ZNF536: variants seen among roughly 807,000 people sequenced by gnomAD.
The protein encoded by ZNF536 is zinc finger protein 536.
A neutral mutation model predicts 84.5 loss-of-function variants in ZNF536; 13 were observed. That is an observed-to-expected ratio of 0.15 (90% CI 0.10 to 0.24). The LOEUF (loss-of-function observed/expected upper bound fraction) is 0.24, where lower values mean the gene tolerates loss of function less well. ZNF536 is among the 10% of genes least tolerant of loss of function. ZNF536 has a pLI of 1.00. For synonymous variants in ZNF536, 811 were observed against 742.5 expected, an observed-to-expected ratio of 1.09 and a Z score of -1.50; for missense variants, 1,536 against 1,747.5, an observed-to-expected ratio of 0.88 and a Z score of 2.16.
At chr19:30,601,739 A>T (rs1485271737) in intron 1 of ZNF536, among the ~76,000 whole-genome samples, 1 of 152,140 alleles carries the variant, frequency 6.6e-6, no homozygotes. Context: ...TGCTGTCAAG[A>T]CAGTTTCCTG....
chr19:30,262,038 G>T (rs2025253664), intron 1 of ZNF536, among the ~76,000 whole-genome samples: 2 of 152,218 alleles, frequency 1.3e-5, no homozygotes, highest in Non-Finnish European at 2.9e-5. Flanking sequence ...ACCATGGGAG[G>T]TCTGCAGGTT....
chr19:30,587,458 AC>A (rs1332754991), intron 1 of ZNF536, among the ~76,000 whole-genome samples: 1 of 152,148 alleles, frequency 6.6e-6, no homozygotes, highest in Non-Finnish European at 1.5e-5. Flanking sequence ...GGTCTCCATC[AC>A]CCATGGTGAA....
At chr19:30,421,242 G>A (rs531711224) in intron 1 of ZNF536, among the ~76,000 whole-genome samples, 7 of 152,066 alleles carry the variant, frequency 4.6e-5, no homozygotes, top group Non-Finnish European at 7.4e-5. Flanking sequence ...AAACTCCATC[G>A]GTTCCCATTT....
intron 1 of ZNF536, among the ~76,000 whole-genome samples, chr19:30,438,277 G>A (rs992187613): frequency 2.0e-5 from 3 of 152,030 alleles, no homozygotes; most frequent in African/African-American, 7.3e-5. Flanking sequence ...AGTCCCCAGG[G>A]TCTATTATCT....
chr19:30,365,325 C>G (rs2048392366), intron 3 of ZNF536, among the ~76,000 whole-genome samples: 1 of 152,120 alleles, frequency 6.6e-6, no homozygotes, highest in Non-Finnish European at 1.5e-5. Context: ...CTTTCCTTCT[C>G]CCCTCCCCTC....
At chr19:30,425,132 G>A (rs1239579892) in intron 1 of ZNF536, among the ~76,000 whole-genome samples, 1 of 152,082 alleles carries the variant, frequency 6.6e-6, no homozygotes, top group Admixed American at 6.5e-5. Context: ...AGTACACATT[G>A]GGTACAGTGT....
chr19:30,292,072 G>A (rs1012714972), intron 2 of ZNF536, among the ~76,000 whole-genome samples: 3 of 152,232 alleles, frequency 2.0e-5, no homozygotes, highest in Non-Finnish European at 4.4e-5. Flanking sequence ...GTTACCACCT[G>A]GCACTTTATG....
intron 1 of ZNF536, among the ~76,000 whole-genome samples, chr19:30,580,372 T>C (rs757771169): frequency 2.6e-4 from 39 of 152,044 alleles, no homozygotes; most frequent in Non-Finnish European, 5.0e-4. Context: ...GGATGGGAAA[T>C]GGTGTCTTTC....
At chr19:30,440,332 G>A (rs1426019042) in intron 1 of ZNF536, among the ~76,000 whole-genome samples, 1 of 152,076 alleles carries the variant, frequency 6.6e-6, no homozygotes, top group Non-Finnish European at 1.5e-5. Flanking sequence ...TTCCAACTCT[G>A]TCCGATTCGG....
At chr19:30,382,721 G>C (rs10415003) in intron 1 of ZNF536, among the ~76,000 whole-genome samples, 2,617 of 152,172 alleles carry the variant, frequency 0.017, 76 homozygotes, top group African/African-American at 0.057. Flanking sequence ...CTACCGCAGA[G>C]GTGGAATCCA....
chr19:30,674,624 G>C (rs1206064920), intron 1 of ZNF536, among the ~76,000 whole-genome samples: 2 of 152,208 alleles, frequency 1.3e-5, no homozygotes, highest in African/African-American at 2.4e-5. Flanking sequence ...CCCCACCTGA[G>C]AGGTGAGGAA....
Position 30,610,225 on chromosome 19 carries a change from T to C in ZNF536, c.169+60711T>C, listed in dbSNP as rs75589935. Among the ~76,000 whole-genome samples the C allele has an allele frequency of 4.7e-3, 718 of 152,374 alleles. 6 individuals are homozygous for C. Among genetic ancestry groups the C allele is most frequent in the African/African-American group, 0.016 (683 of 41,590 alleles). ...CATTTTTTAATGATAAAAATGTTTC[T>C]AGTTTCCTTAGATCTAAAACATGGA... On this transcript the variant is annotated intron_variant, in intron 1 of 1. Transcript: ENST00000592773.
At chr19:30,691,632 G>T (rs2051413517) in intron 1 of ZNF536, among the ~76,000 whole-genome samples, 1 of 152,128 alleles carries the variant, frequency 6.6e-6, no homozygotes, top group South Asian at 2.1e-4. Flanking sequence ...CTCATATGTG[G>T]GACTGATGTG....
In ZNF536 at chr19:30,425,238, T is replaced by TG. The variant is rs771626452; in HGVS notation, c.-2-18321dup. On this transcript the variant is annotated intron_variant, in intron 1 of 4. Coordinates refer to ENST00000355537, the MANE Select transcript of ZNF536 (RefSeq NM_014717.3). ...CGCCACGTGTTCCCCAAAAACATGT[T>TG]GGAAAAAAAAAAACAAAGATGGGAG... Among the ~76,000 whole-genome samples the TG allele has an allele frequency of 1.8e-3, 273 of 149,570 alleles. 3 individuals are homozygous for TG. The highest frequency in any genetic ancestry group is 6.4e-3 in the African/African-American group (259 of 40,282).
chr19:30,237,775 C>CTT lies in ZNF536; in HGVS notation c.-190+9112_-190+9113dup, dbSNP rs36015370. 1.3e-3 allele frequency among the ~76,000 whole-genome samples: 197 copies of CTT among 147,576 alleles called. 1 individual carries two copies. In the East Asian group the frequency reaches 0.023, roughly 18 times the overall value. On this transcript the variant is annotated intron_variant, in intron 1 of 5. Coordinates refer to the ZNF536 transcript ENST00000585628. ...CTTGATACATCCATATCTATAAGTT[C>CTT]TTTTTTTTTTTGCATAATTTAACTT... is the stretch of plus-strand genomic sequence containing the variant.
intron 1 of ZNF536, among the ~76,000 whole-genome samples, chr19:30,679,331 G>T (rs562589191): frequency 6.6e-6 from 1 of 152,356 alleles, no homozygotes; most frequent in East Asian, 1.9e-4. Flanking sequence ...AGATGATGGA[G>T]GTGAGGCCCT....
chr19:30,677,630 C>T (rs1402315189), intron 1 of ZNF536, among the ~76,000 whole-genome samples: 1 of 152,206 alleles, frequency 6.6e-6, no homozygotes, highest in African/African-American at 2.4e-5. Context: ...TAGCTCTGAC[C>T]CCTGCATGCT....
At chr19:30,245,660 GTC>G (rs1187080499) in intron 1 of ZNF536, among the ~76,000 whole-genome samples, 1 of 152,208 alleles carries the variant, frequency 6.6e-6, no homozygotes, top group African/African-American at 2.4e-5. Context: ...AAAGAAGGTT[GTC>G]TCTCTATTGA....
At chr19:30,232,396 C>G (rs1051065751) in intron 1 of ZNF536, among the ~76,000 whole-genome samples, 1 of 151,266 alleles carries the variant, frequency 6.6e-6, no homozygotes, top group Admixed American at 6.6e-5. Flanking sequence ...AGGTAGTGAG[C>G]ATGGCACCCA....
Sources: gnomAD v4.1 joint callset for allele counts (sites outside exome capture counted in the v4.1 genomes callset) on GRCh38, gnomAD v4.1.1 for gene constraint, MANE v1.5 for transcripts, NCBI Gene and HGNC (gene_info 2026-07-23, HGNC 2026-07-21) for gene names.